Variants in EPHB1 observed in about 807,000 individuals in gnomAD.
The protein encoded by EPHB1 is ephrin type-B receptor 1.
Under a neutral mutation model 94.4 loss-of-function variants are expected in EPHB1, and 30 were observed. That is an observed-to-expected ratio of 0.32 (90% CI 0.24 to 0.43). The LOEUF (loss-of-function observed/expected upper bound fraction) is 0.43. Ranked by LOEUF, EPHB1 falls within the 20% of genes least tolerant of loss-of-function variation. The pLI is 1.00. For missense variants in EPHB1, 1,055 were observed against 1,308.3 expected, an observed-to-expected ratio of 0.81 and a Z score of 2.99; for synonymous variants, 522 against 489.1, an observed-to-expected ratio of 1.07 and a Z score of -0.89.
chr3:134,977,306 G>A (rs1453733416), intron 3 of EPHB1, among the ~76,000 whole-genome samples: 1 of 152,200 alleles, frequency 6.6e-6, no homozygotes, highest in African/African-American at 2.4e-5. Context: ...GCTCTGGGAG[G>A]GGTGGATGGA....
intron 10 of EPHB1, 46 bp downstream of exon 10, chr3:135,180,028 ATCT>A (rs769242527): frequency 1.1e-5 from 18 of 1,610,180 alleles, no homozygotes; most frequent in Non-Finnish European, 1.4e-5. Flanking sequence ...GTGTCCAAAC[ATCT>A]TCTTTCCACC....
intron 3 of EPHB1, among the ~76,000 whole-genome samples, chr3:135,102,059 C>G (rs1939053138): frequency 6.6e-6 from 1 of 152,228 alleles, no homozygotes; most frequent in Non-Finnish European, 1.5e-5. Context: ...GGGCTCCCAA[C>G]TGCAGCAGTA....
At chr3:135,039,595 G>T (rs969885395) in intron 3 of EPHB1, among the ~76,000 whole-genome samples, 2 of 152,234 alleles carry the variant, frequency 1.3e-5, no homozygotes, top group South Asian at 4.1e-4. Flanking sequence ...GCTAAGGCCC[G>T]GCGAGAAATC....
intron 3 of EPHB1, among the ~76,000 whole-genome samples, chr3:135,065,316 A>G (rs114341326): frequency 0.023 from 3,528 of 152,220 alleles, 66 homozygotes; most frequent in Middle Eastern, 0.041. Flanking sequence ...AAGTCCCACA[A>G]TATTATTGTG....
chr3:134,867,323 A>T (rs936899297), intron 1 of EPHB1, among the ~76,000 whole-genome samples: 1 of 152,188 alleles, frequency 6.6e-6, no homozygotes, highest in Admixed American at 6.5e-5. Context: ...TGCCTATGTC[A>T]TACCTAACAC....
chr3:135,095,385 C>G (rs894824556), intron 3 of EPHB1, among the ~76,000 whole-genome samples: 4 of 152,146 alleles, frequency 2.6e-5, no homozygotes, highest in Non-Finnish European at 5.9e-5. Context: ...CACTTCTCTT[C>G]TAGATAGCTC....
chr3:135,156,709 G>A (rs1049957575), intron 6 of EPHB1, among the ~76,000 whole-genome samples: 1 of 152,188 alleles, frequency 6.6e-6, no homozygotes, highest in Non-Finnish European at 1.5e-5. Flanking sequence ...ATACTTCAGT[G>A]AATTGGAAAT....
chr3:135,204,426 G>A (rs1156597269), intron 12 of EPHB1, among the ~76,000 whole-genome samples: 10 of 151,958 alleles, frequency 6.6e-5, no homozygotes, highest in Non-Finnish European at 1.0e-4. Flanking sequence ...GGCTGGTCTC[G>A]AACTCTTGAC....
intron 1 of EPHB1, among the ~76,000 whole-genome samples, chr3:134,855,019 C>T (rs2037081247): frequency 6.6e-6 from 1 of 152,186 alleles, no homozygotes; most frequent in South Asian, 2.1e-4. Context: ...GCACAACACA[C>T]ATATGTGGGC....
At chr3:134,824,160 A>G (rs2036433228) in intron 1 of EPHB1, among the ~76,000 whole-genome samples, 1 of 116,616 alleles carries the variant, frequency 8.6e-6, no homozygotes, top group African/African-American at 3.2e-5. Flanking sequence ...TGGTAATCCT[A>G]GCTCTTGCAC....
chr3:134,855,262 A>G (rs990959909), intron 1 of EPHB1, among the ~76,000 whole-genome samples: 2 of 152,220 alleles, frequency 1.3e-5, no homozygotes, highest in Non-Finnish European at 2.9e-5. Context: ...AGGCTTTGAA[A>G]CCCAGATGGA....
At chr3:135,004,565 GT>G (rs1269169870) in intron 3 of EPHB1, among the ~76,000 whole-genome samples, 39 of 151,970 alleles carry the variant, frequency 2.6e-4, no homozygotes, top group African/African-American at 8.9e-4. Context: ...TTCCAACTTG[GT>G]TCCATTCTCC....
intron 12 of EPHB1, among the ~76,000 whole-genome samples, chr3:135,208,504 T>C (rs562768855): frequency 1.3e-5 from 2 of 152,310 alleles, no homozygotes; most frequent in Admixed American, 1.3e-4. Context: ...CAAAAAGCCA[T>C]TAAGCAGACT....
intron 3 of EPHB1, among the ~76,000 whole-genome samples, chr3:135,085,195 A>G (rs188323240): frequency 1.5e-4 from 23 of 152,262 alleles, no homozygotes; most frequent in Admixed American, 3.3e-4. Context: ...GTGTTCTCCA[A>G]TGGCTGAGTT....
rs550786373 is a variant in EPHB1, at chr3:134,914,571, G to A, written c.59-11245G>A. Among the ~76,000 whole-genome samples the A allele has an allele frequency of 2.0e-4, 31 of 152,128 alleles. 1 individual carries two copies. The highest frequency in any genetic ancestry group is 1.4e-3 in the Admixed American group (21 of 15,278). On this transcript the variant is annotated intron_variant, in intron 1 of 15. Transcript: ENST00000398015. ...CTTGTGTGGGGGACTACAGGACTCT[G>A]GGGGGAGGGTTGTTGGAGACATGGG...
At chr3:134,976,126 C>T (rs1232373671) in intron 3 of EPHB1, among the ~76,000 whole-genome samples, 4 of 151,732 alleles carry the variant, frequency 2.6e-5, no homozygotes, top group African/African-American at 9.7e-5. Flanking sequence ...AGGTCAGATC[C>T]ACACACACAC....
Position 135,260,174 on chromosome 3 carries a change from G to C in EPHB1, c.*1054G>C. 1 of 233,174 alleles carries C rather than the reference G, an allele frequency of 4.3e-6. No homozygotes were observed. The highest frequency in any genetic ancestry group is 8.5e-6 in the Non-Finnish European group (1 of 117,686). The allele number at this position is 233,174 out of a possible 1,614,324, so 14.4% of individuals were successfully genotyped here. ...GATAACATCTCAAGAAAAGGAGAAGGAAAGTGTTTCTGGAGAATGTTCTTT... is the reference window on the plus strand; with the variant it reads ...GATAACATCTCAAGAAAAGGAGAAGCAAAGTGTTTCTGGAGAATGTTCTTT... On this transcript the variant is annotated 3_prime_UTR_variant, in exon 16 of 16. Transcript: ENST00000398015.
At chr3:134,883,090 G>A (rs1410005499) in intron 1 of EPHB1, among the ~76,000 whole-genome samples, 1 of 152,156 alleles carries the variant, frequency 6.6e-6, no homozygotes, top group Non-Finnish European at 1.5e-5. Flanking sequence ...CCAAAGCACT[G>A]GGATTACAGG....
At chr3:135,195,421 T>C (rs1309186417) in intron 11 of EPHB1, among the ~76,000 whole-genome samples, 1 of 151,952 alleles carries the variant, frequency 6.6e-6, no homozygotes. Flanking sequence ...GCCATGCTGG[T>C]GCACTGCACC....
Sources: gnomAD v4.1 joint callset for allele counts (sites outside exome capture counted in the v4.1 genomes callset) on GRCh38, gnomAD v4.1.1 for gene constraint, MANE v1.5 for transcripts, NCBI Gene and HGNC (gene_info 2026-07-23, HGNC 2026-07-21) for gene names.